The following LHFPL3 variants were observed in gnomAD, a reference collection of about 807,000 sequenced individuals.
LHFPL3 encodes the protein LHFPL tetraspan subfamily member 3 protein.
LHFPL3 carries 5 observed loss-of-function variants against 19.3 expected under a neutral mutation model. The ratio of observed to expected loss-of-function variants is 0.26; its 90% CI spans 0.14 to 0.54. The LOEUF is 0.54. Among genes scored for constraint, LHFPL3 ranks in the 20% least tolerant of loss-of-function variants. The probability of loss-of-function intolerance (pLI) is 0.94; values close to 1 mark genes in which losing one functional copy is unlikely to be tolerated. For missense variants in LHFPL3, 249 were observed against 307.4 expected, an observed-to-expected ratio of 0.81 and a Z score of 1.42; for synonymous variants, 133 against 126.2, an observed-to-expected ratio of 1.05 and a Z score of -0.36.
chr7:104,848,656 G>A (rs112646554), intron 2 of LHFPL3, among the ~76,000 whole-genome samples: 1 of 27,864 alleles, frequency 3.6e-5, no homozygotes, highest in African/African-American at 5.9e-5. Context: ...AAAAGGAGAA[G>A]GGGAAAGGAG....
At chr7:104,512,863 G>C (rs1793846268) in intron 1 of LHFPL3, among the ~76,000 whole-genome samples, 1 of 152,202 alleles carries the variant, frequency 6.6e-6, no homozygotes, top group Admixed American at 6.5e-5. Context: ...CTTGGAGGAT[G>C]AGCAGTTATT....
chr7:104,729,435 G>C (rs1793649806), intron 1 of LHFPL3, among the ~76,000 whole-genome samples: 1 of 151,948 alleles, frequency 6.6e-6, no homozygotes, highest in South Asian at 2.1e-4. Flanking sequence ...TTAACTAATA[G>C]TCACCCTACT....
At chr7:104,817,905 G>A (rs1167826613) in intron 2 of LHFPL3, among the ~76,000 whole-genome samples, 1 of 152,146 alleles carries the variant, frequency 6.6e-6, no homozygotes, top group Non-Finnish European at 1.5e-5. Flanking sequence ...GACTTCTGTT[G>A]GCTATTTAAT....
chr7:104,658,890 AATT>A (rs1274454077), intron 1 of LHFPL3, among the ~76,000 whole-genome samples: 1 of 152,218 alleles, frequency 6.6e-6, no homozygotes. Context: ...TACCCCAGAT[AATT>A]ATGACACAGA....
Position 104,873,481 on chromosome 7 carries a change from CAGGCGTGCGGT to C in LHFPL3, c.683-32703_683-32693del, listed in dbSNP as rs1319528234. Reference sequence around the variant, plus strand: ...TACAAAAATAAAAAATAAAATTAGCCAGGCGTGCGGTAGCACTACACCGGTTATCCTAGCTA... The same window carrying C: ...TACAAAAATAAAAAATAAAATTAGCCAGCACTACACCGGTTATCCTAGCTA... On this transcript the variant is annotated intron_variant, in intron 2 of 2. Transcript: ENST00000424859. Among the ~76,000 whole-genome samples, 3 of 148,318 alleles carry C rather than the reference CAGGCGTGCGGT, an allele frequency of 2.0e-5. No individual in the cohort carries two copies. The East Asian group carries it at 7.4e-4, about 36-fold the overall frequency.
At chr7:104,343,126 G>A (rs932548101) in intron 1 of LHFPL3, among the ~76,000 whole-genome samples, 8 of 151,256 alleles carry the variant, frequency 5.3e-5, no homozygotes, top group South Asian at 2.1e-4. Flanking sequence ...ATAATTCTTC[G>A]TCTCCAAGTC....
intron 1 of LHFPL3, among the ~76,000 whole-genome samples, chr7:104,561,533 T>C (rs1462069650): frequency 2.6e-5 from 4 of 151,736 alleles, no homozygotes; most frequent in African/African-American, 9.7e-5. Flanking sequence ...TCCATTGGCT[T>C]GGTAGATCTT....
chr7:104,811,429 G>C (rs1459208776), intron 2 of LHFPL3, among the ~76,000 whole-genome samples: 1 of 152,012 alleles, frequency 6.6e-6, no homozygotes, highest in East Asian at 1.9e-4. Context: ...TTGAACTCCT[G>C]GGCTCAAATT....
chr7:104,355,619 C>T (rs961763444), intron 1 of LHFPL3, among the ~76,000 whole-genome samples: 14 of 152,198 alleles, frequency 9.2e-5, no homozygotes, highest in Admixed American at 3.3e-4. Context: ...GCCTTCTACT[C>T]ACTACAGTTT....
chr7:104,354,234 C>T (rs978974129), intron 1 of LHFPL3, among the ~76,000 whole-genome samples: 6 of 152,348 alleles, frequency 3.9e-5, no homozygotes, highest in South Asian at 4.1e-4. Context: ...TTATTGCTGA[C>T]GACTGCACAG....
intron 1 of LHFPL3, among the ~76,000 whole-genome samples, chr7:104,392,855 C>T (rs188957023): frequency 3.3e-5 from 5 of 152,324 alleles, no homozygotes; most frequent in African/African-American, 1.2e-4. Flanking sequence ...ATTATTACCT[C>T]AATTTCCGAG....
chr7:104,370,050 G>A (rs1790580157), intron 1 of LHFPL3, among the ~76,000 whole-genome samples: 1 of 152,174 alleles, frequency 6.6e-6, no homozygotes, highest in Non-Finnish European at 1.5e-5. Context: ...TTGAATAACT[G>A]AAAAGGCCAG....
intron 1 of LHFPL3, among the ~76,000 whole-genome samples, chr7:104,466,650 A>G (rs1159547441): frequency 6.6e-6 from 1 of 152,222 alleles, no homozygotes; most frequent in East Asian, 1.9e-4. Flanking sequence ...GACTGAAGCA[A>G]ACTGGCTTTA....
intron 1 of LHFPL3, among the ~76,000 whole-genome samples, chr7:104,673,590 T>G (rs559336909): frequency 4.6e-4 from 70 of 152,292 alleles, no homozygotes; most frequent in Non-Finnish European, 6.8e-4. Flanking sequence ...TGCATTAGAC[T>G]GGGGATGGGG....
intron 1 of LHFPL3, among the ~76,000 whole-genome samples, chr7:104,452,222 A>G (rs1197087125): frequency 6.6e-6 from 1 of 152,172 alleles, no homozygotes; most frequent in African/African-American, 2.4e-5. Context: ...GGATCAGCTT[A>G]TTTACTCAAA....
chr7:104,574,983 T>C (rs926980501), intron 1 of LHFPL3, among the ~76,000 whole-genome samples: 2 of 152,224 alleles, frequency 1.3e-5, no homozygotes, highest in African/African-American at 4.8e-5. Flanking sequence ...CATGAGAGTT[T>C]CACTAGACAA....
At chr7:104,735,750 G>T (rs190194874) in intron 1 of LHFPL3, among the ~76,000 whole-genome samples, 214 of 152,340 alleles carry the variant, frequency 1.4e-3, no homozygotes, top group Non-Finnish European at 2.7e-3. Flanking sequence ...GATGAACCCA[G>T]TACCTCAGTT....
At chr7:104,532,192 C>CT (rs1794310649) in intron 1 of LHFPL3, among the ~76,000 whole-genome samples, 1 of 152,018 alleles carries the variant, frequency 6.6e-6, no homozygotes, top group Non-Finnish European at 1.5e-5. Flanking sequence ...TCATAGCTCA[C>CT]TGTAGCCTCA....
At chr7:104,757,453 A>G (rs1371700858) in intron 2 of LHFPL3, among the ~76,000 whole-genome samples, 2 of 152,180 alleles carry the variant, frequency 1.3e-5, no homozygotes, top group East Asian at 3.8e-4. Context: ...CTTGCAAACT[A>G]TGCATCCAAC....
Sources: gnomAD v4.1 joint callset for allele counts (sites outside exome capture counted in the v4.1 genomes callset) on GRCh38, gnomAD v4.1.1 for gene constraint, MANE v1.5 for transcripts, NCBI Gene and HGNC (gene_info 2026-07-23, HGNC 2026-07-21) for gene names.